Variants in ETHE1 observed in about 807,000 individuals in gnomAD.
ETHE1 encodes the protein ETHE1 persulfide dioxygenase.
Under a neutral mutation model 25.7 loss-of-function variants are expected in ETHE1, and 16 were observed. The ratio of observed to expected loss-of-function variants is 0.62; its 90% CI spans 0.42 to 0.95. The LOEUF (loss-of-function observed/expected upper bound fraction) is 0.95, where lower values mean the gene tolerates loss of function less well. Among genes scored for constraint, ETHE1 ranks in the 40% least tolerant of loss-of-function variants. The probability of loss-of-function intolerance (pLI) is 0.00; values close to 1 mark genes in which losing one functional copy is unlikely to be tolerated. For missense variants in ETHE1, 300 were observed against 333.6 expected, an observed-to-expected ratio of 0.90 and a Z score of 0.79; for synonymous variants, 139 against 135.9, an observed-to-expected ratio of 1.02 and a Z score of -0.16.
At chr19:43,526,125 G>A (rs759207148) in intron 3 of ETHE1, 76 bp downstream of exon 3, 53 of 1,608,630 alleles carry the variant, frequency 3.3e-5, no homozygotes, top group Non-Finnish European at 4.3e-5. Flanking sequence ...CAGGATCCCA[G>A]GCCCCCAGTC....
chr19:43,520,939 A>C (rs1045109263), intron 3 of ETHE1, among the ~76,000 whole-genome samples: 2 of 152,122 alleles, frequency 1.3e-5, no homozygotes, highest in Non-Finnish European at 2.9e-5. Flanking sequence ...TGTTTTCAGC[A>C]GTACTTCTCT....
At chr19:43,508,702 A>G in intron 5 of ETHE1, 73 bp downstream of exon 5, 1 of 1,253,932 alleles carries the variant, frequency 8.0e-7, no homozygotes, top group Non-Finnish European at 1.1e-6. Flanking sequence ...TTCATGCCCT[A>G]CAAGGATTAC....
In ETHE1 at chr19:43,526,301, C is replaced by T. The variant is rs1371883708; in HGVS notation, c.275G>A (p.Arg92His). Residue 92 changes from arginine to histidine, a missense_variant, in exon 3 of 7, where the codon CGT becomes CAT. Coordinates refer to ENST00000292147, the MANE Select transcript of ETHE1 (RefSeq NM_014297.5). ...ADHITGSGLL[R>H]SLLPGCQSVI... Reference sequence around the variant, plus strand: ...AGACTGGCAGCCAGGGAGGAGGGAACGGAGCAGCCCCGAGCCTGTAATGTG... The same window carrying T: ...AGACTGGCAGCCAGGGAGGAGGGAATGGAGCAGCCCCGAGCCTGTAATGTG... 3 of 1,613,960 alleles carry T rather than the reference C, an allele frequency of 1.9e-6. No homozygotes were observed. The highest frequency in any genetic ancestry group is 2.7e-5 in the African/African-American group (2 of 74,916).
Position 43,511,482 on chromosome 19 carries a change from C to A in ETHE1, c.460G>T (p.Asp154Tyr). The change falls in exon 4 of 7, where the codon GAT becomes TAT. Residue 154 changes from aspartate to tyrosine, a missense_variant. Coordinates refer to ENST00000292147, the MANE Select transcript of ETHE1 (RefSeq NM_014297.5). ...LNDHSMAFTG[D>Y]ALLIRGCGRT... ...CCACACCCACGGATCAACAGGGCAT[C>A]TCCAGTGAAGGCCATGCTGTGGTCA... is the stretch of plus-strand genomic sequence containing the variant. The A allele has an allele frequency of 6.2e-7, 1 of 1,614,208 alleles. No individual in the cohort carries two copies. The highest frequency in any genetic ancestry group is 8.5e-7 in the Non-Finnish European group (1 of 1,180,038).
chr19:43,508,685 G>A (rs1206101809), intron 5 of ETHE1, 90 bp downstream of exon 5: 1 of 1,096,108 alleles, frequency 9.1e-7, no homozygotes, highest in Non-Finnish European at 1.4e-6. Flanking sequence ...TTCTGAGACT[G>A]GTCGTCTTCA....
intron 3 of ETHE1, among the ~76,000 whole-genome samples, chr19:43,516,923 T>C (rs1972032242): frequency 6.6e-6 from 1 of 152,090 alleles, no homozygotes; most frequent in Non-Finnish European, 1.5e-5. Flanking sequence ...ATGTGCCCGA[T>C]GACTAACAAT....
At chr19:43,524,785 C>T (rs1568501181) in intron 3 of ETHE1, among the ~76,000 whole-genome samples, 1 of 151,724 alleles carries the variant, frequency 6.6e-6, no homozygotes, top group Non-Finnish European at 1.5e-5. Context: ...GCCTGGGTGA[C>T]AGAGCAAGAC....
At chr19:43,526,705 C>T (rs1489872968) in intron 1 of ETHE1, 46 bp from the exon 2 acceptor site, 16 of 1,611,654 alleles carry the variant, frequency 9.9e-6, no homozygotes, top group Non-Finnish European at 1.3e-5. Flanking sequence ...GGACTTCCAC[C>T]CACTGGAGGC....
intron 6 of ETHE1, among the ~76,000 whole-genome samples, chr19:43,507,174 TTCCTTCCTCAGACCCAGGAGTCCAGTCCC>T (rs1971791417): frequency 1.4e-4 from 1 of 6,974 alleles, no homozygotes; most frequent in Non-Finnish European, 2.8e-4. Flanking sequence ...CCCCCAGCCC[TTCCTTCCTCAGACCCAGGAGTCCAGTCCC>T]CCAGCCCCTC....
intron 3 of ETHE1, among the ~76,000 whole-genome samples, chr19:43,523,930 T>A (rs1477318365): frequency 6.8e-6 from 1 of 147,116 alleles, no homozygotes; most frequent in Non-Finnish European, 1.5e-5. Flanking sequence ...AGCAAGACTG[T>A]CTCAAAAAAA....
chr19:43,521,334 A>G (rs1168454733), intron 3 of ETHE1, among the ~76,000 whole-genome samples: 1 of 151,992 alleles, frequency 6.6e-6, no homozygotes, highest in Non-Finnish European at 1.5e-5. Context: ...CAGAAAAAAA[A>G]GAATTACTCC....
intron 3 of ETHE1, among the ~76,000 whole-genome samples, chr19:43,524,538 A>G (rs1237631734): frequency 6.6e-6 from 1 of 152,148 alleles, no homozygotes; most frequent in Non-Finnish European, 1.5e-5. Context: ...GAATATACTA[A>G]AAGTCATTGA....
chr19:43,515,707 T>G (rs1972005879), intron 3 of ETHE1, among the ~76,000 whole-genome samples: 1 of 152,098 alleles, frequency 6.6e-6, no homozygotes. Context: ...CTCAAGTAGC[T>G]AGGGTTACAG....
chr19:43,518,900 C>A (rs187706678), intron 3 of ETHE1, among the ~76,000 whole-genome samples: 1 of 151,374 alleles, frequency 6.6e-6, no homozygotes, highest in African/African-American at 2.4e-5. Context: ...CATTTTCACT[C>A]GCATTCCCCA....
At chr19:43,525,154 G>GA (rs71890992) in intron 3 of ETHE1, among the ~76,000 whole-genome samples, 1,757 of 133,918 alleles carry the variant, frequency 0.013, 23 homozygotes, top group African/African-American at 0.041. Context: ...AAGAAAGAAA[G>GA]AAAAAAAAAA....
chr19:43,511,715 G>A (rs1462051597), intron 3 of ETHE1, 149 bp from the exon 4 acceptor site: 1 of 880,484 alleles, frequency 1.1e-6, no homozygotes, highest in Non-Finnish European at 1.7e-6. Context: ...TATATTATCA[G>A]AGTAAACTCC....
intron 4 of ETHE1, 55 bp downstream of exon 4, chr19:43,511,382 C>T (rs1599990241): frequency 6.2e-7 from 1 of 1,613,334 alleles, no homozygotes; most frequent in Non-Finnish European, 8.5e-7. Flanking sequence ...TACTTCAACA[C>T]TTGACACACA....
At chr19:43,509,769 C>T (rs1487635461) in intron 4 of ETHE1, among the ~76,000 whole-genome samples, 2 of 152,116 alleles carry the variant, frequency 1.3e-5, no homozygotes, top group Non-Finnish European at 2.9e-5. Context: ...GCACTCCAGC[C>T]TGGGCGACAG....
At chr19:43,525,041 G>A (rs1972211701) in intron 3 of ETHE1, among the ~76,000 whole-genome samples, 1 of 150,746 alleles carries the variant, frequency 6.6e-6, no homozygotes, top group African/African-American at 2.4e-5. Context: ...AGCTACCAGG[G>A]AGGCTAAGGT....
Sources: allele counts gnomAD v4.1 joint callset (sites outside exome capture counted in the v4.1 genomes callset), GRCh38; gene constraint gnomAD v4.1.1; transcripts MANE v1.5; gene names NCBI Gene and HGNC (gene_info 2026-07-23, HGNC 2026-07-21).